Variants in TRAF3IP1 observed in about 807,000 individuals in gnomAD.
TRAF3IP1 encodes the protein intraflagellar transport 54, also known as TRAF3-interacting protein 1.
Under a neutral mutation model 89.9 loss-of-function variants are expected in TRAF3IP1, and 53 were observed. The ratio of observed to expected loss-of-function variants is 0.59; its 90% CI spans 0.47 to 0.74. The LOEUF (loss-of-function observed/expected upper bound fraction) is 0.74. TRAF3IP1 is among the 30% of genes least tolerant of loss of function. The pLI, the probability that TRAF3IP1 is intolerant of heterozygous loss-of-function variation, is 0.00. For synonymous variants in TRAF3IP1, 311 were observed against 322.1 expected (o/e 0.97, Z 0.37); for missense variants, 806 against 866.1 (o/e 0.93, Z 0.87).
intron 15 of TRAF3IP1, among the ~76,000 whole-genome samples, chr2:238,376,807 C>A (rs948031932): frequency 6.6e-6 from 1 of 152,164 alleles, no homozygotes; most frequent in African/African-American, 2.4e-5. Context: ...TTGCTTTAAA[C>A]GTGTCTGTTG....
In TRAF3IP1 at chr2:238,379,870, C is replaced by T. The variant is rs1700473478; in HGVS notation, c.1690-17589C>T. Among the ~76,000 whole-genome samples the T allele has an allele frequency of 6.6e-6, 1 of 152,078 alleles. No homozygotes were observed. The highest frequency in any genetic ancestry group is 1.5e-5 in the Non-Finnish European group (1 of 68,008). ...TATTTTAGTAAGACATTTAAAATAG[C>T]AAATCCAATTAGTTAGTACAGAGGT... On this transcript the variant is annotated intron_variant, in intron 15 of 16. Transcript: ENST00000373327. The surrounding 1 kb of genome is among the most constrained non-coding windows in gnomAD (Gnocchi z 4.0).
chr2:238,344,491 T>A lies in TRAF3IP1; in HGVS notation c.1160-6T>A. ...TAATGACTAATTTTAAACTGTTTTA[T>A]GTCAGGAACAAAAGAAGCTAATATT... On this transcript the variant is annotated splice_region_variant and splice_polypyrimidine_tract_variant and intron_variant, in intron 8 of 16. Coordinates refer to ENST00000373327, the MANE Select transcript of TRAF3IP1 (RefSeq NM_015650.4). 1 of 1,612,574 alleles carries A rather than the reference T, an allele frequency of 6.2e-7. No individual in the cohort carries two copies. Among genetic ancestry groups the A allele is most frequent in the Non-Finnish European group, 8.5e-7 (1 of 1,178,528 alleles).
At chr2:238,391,520 G>C (rs1700995043) in intron 15 of TRAF3IP1, among the ~76,000 whole-genome samples, 3 of 152,196 alleles carry the variant, frequency 2.0e-5, no homozygotes, top group Admixed American at 2.0e-4. Context: ...TTGCCAGAGT[G>C]TTGGTGTTTT....
At chr2:238,336,406 C>T (rs1239595097) in intron 7 of TRAF3IP1, among the ~76,000 whole-genome samples, 7 of 152,256 alleles carry the variant, frequency 4.6e-5, no homozygotes, top group South Asian at 2.1e-4. Context: ...CATTCTGCCT[C>T]GCTTAAGTAG....
Position 238,320,660 on chromosome 2 carries a change from G to C in TRAF3IP1, c.-3G>C. On this transcript the variant is annotated 5_prime_UTR_variant, in exon 1 of 17. Coordinates refer to ENST00000373327, the MANE Select transcript of TRAF3IP1 (RefSeq NM_015650.4). The stretch of plus-strand genomic sequence containing the variant: ...GGGCGGCCAGCGGGCGGCGGACGCC[G>C]TCATGAACGCGGCGGTGGTGAGGCG... The C allele has an allele frequency of 7.3e-7, 1 of 1,362,796 alleles. No homozygotes were observed. Among genetic ancestry groups the C allele is most frequent in the Non-Finnish European group, 9.6e-7 (1 of 1,039,986 alleles). The allele number at this position is 1,362,796 out of a possible 1,614,324, so 84.4% of individuals were successfully genotyped here.
intron 8 of TRAF3IP1, 99 bp downstream of exon 8, chr2:238,338,556 A>G: frequency 1.5e-6 from 1 of 657,768 alleles, no homozygotes; most frequent in Non-Finnish European, 2.5e-6. Context: ...TATTCTAACT[A>G]CTTTAATGTT....
In TRAF3IP1 at chr2:238,399,956, A is replaced by G. The variant is rs1701396772; in HGVS notation, c.*1037A>G. 1 of 152,250 alleles carries G rather than the reference A, an allele frequency of 6.6e-6. No homozygotes were observed. 9.4% of individuals were successfully genotyped at this position (152,250 alleles called of 1,614,324 possible). A position where few individuals can be genotyped will look rare whatever the true frequency, so the allele number is the denominator to read the frequency against. On this transcript the variant is annotated 3_prime_UTR_variant, in exon 17 of 17. Transcript: ENST00000373327. Reference sequence around the variant, plus strand: ...ACTTAGCAGAGTCTTAAGTTACTGTATAAAACATTTCATTGTGTTTGAAGA... The same window carrying G: ...ACTTAGCAGAGTCTTAAGTTACTGTGTAAAACATTTCATTGTGTTTGAAGA...
intron 15 of TRAF3IP1, among the ~76,000 whole-genome samples, chr2:238,367,494 C>T (rs1019560331): frequency 6.6e-6 from 1 of 152,178 alleles, no homozygotes; most frequent in Non-Finnish European, 1.5e-5. Flanking sequence ...CCTAGCTGAG[C>T]GAGTGGGCTT....
rs1047572811 is a variant in TRAF3IP1, at chr2:238,364,223, CTT to C, written c.1689+8145_1689+8146del. ...TAATTTGGGCCTCTCTCCAGCCTGT[CTT>C]TGAAGTTGCATTGGAAGTAAAGCCA... On this transcript the variant is annotated intron_variant, in intron 15 of 16. Transcript: ENST00000373327. Among the ~76,000 whole-genome samples, 24 of 152,216 alleles carry C rather than the reference CTT, an allele frequency of 1.6e-4. No individual in the cohort carries two copies. In the South Asian group the frequency reaches 1.9e-3, roughly 12 times the overall value.
intron 9 of TRAF3IP1, among the ~76,000 whole-genome samples, chr2:238,346,872 C>G (rs903309127): frequency 6.6e-6 from 1 of 152,218 alleles, no homozygotes; most frequent in Non-Finnish European, 1.5e-5. Context: ...TGCCACTGCT[C>G]ATTTACTTTG....
chr2:238,352,099 G>C (rs1023274227), intron 12 of TRAF3IP1, among the ~76,000 whole-genome samples: 2 of 152,096 alleles, frequency 1.3e-5, no homozygotes, highest in Non-Finnish European at 2.9e-5. Flanking sequence ...AGTGGCCTGA[G>C]TGAGGAGGAG....
intron 6 of TRAF3IP1, 106 bp downstream of exon 6, chr2:238,333,001 G>A (rs577071582): frequency 6.2e-6 from 5 of 805,736 alleles, no homozygotes; most frequent in Non-Finnish European, 1.1e-5. Flanking sequence ...GGAGCACATG[G>A]TCTGGGCCTA....
chr2:238,320,561 GGGCGGCGGCGGCGGCGGGGCC>G lies in TRAF3IP1; in HGVS notation c.-92_-72del, dbSNP rs1347017715. The G allele has an allele frequency of 3.9e-6, 4 of 1,033,740 alleles. No individual in the cohort carries two copies. The African/African-American group carries it at 5.2e-5, about 13-fold the overall frequency. The allele number at this position is 1,033,740 out of a possible 1,614,324, so 64.0% of individuals were successfully genotyped here. ...CGGAGCGGCGCGTCCTGGCAGGACCGGGCGGCGGCGGCGGCGGGGCCGGCGGCGGCCAGGGACCCGGGCTTA... is the reference window on the plus strand; with the variant it reads ...CGGAGCGGCGCGTCCTGGCAGGACCGGGCGGCGGCCAGGGACCCGGGCTTA... On this transcript the variant is annotated 5_prime_UTR_variant, in exon 1 of 17. Coordinates refer to ENST00000373327, the MANE Select transcript of TRAF3IP1 (RefSeq NM_015650.4).
At chr2:238,332,982 G>A (rs1365136178) in intron 6 of TRAF3IP1, 87 bp downstream of exon 6, 26 of 958,020 alleles carry the variant, frequency 2.7e-5, no homozygotes, top group Non-Finnish European at 4.3e-5. Context: ...GGTCCACTGA[G>A]GCATGGAAGG....
rs544984215 is a variant in TRAF3IP1 at position 238,351,779 on chromosome 2, A to G, written c.1452-1048A>G. 2.2e-4 allele frequency among the ~76,000 whole-genome samples: 33 copies of G among 151,936 alleles called. No homozygotes were observed. The highest frequency in any genetic ancestry group is 3.4e-3 in the Middle Eastern group (1 of 294). On this transcript the variant is annotated intron_variant, in intron 12 of 16. Transcript: ENST00000373327. The surrounding 1 kb of genome is among the most constrained non-coding windows in gnomAD (Gnocchi z 5.2). ...GTGTTATTTTCAGAGGTCGTTCCCA[A>G]GTGTCTACATTCCCTCTGGACCTTG...
intron 5 of TRAF3IP1, among the ~76,000 whole-genome samples, chr2:238,330,903 C>T (rs747643935): frequency 6.6e-6 from 1 of 152,156 alleles, no homozygotes; most frequent in Non-Finnish European, 1.5e-5. Flanking sequence ...ACCTGGCTTT[C>T]CTTATGAGTC....
At chr2:238,369,228 A>G (rs1210856057) in intron 15 of TRAF3IP1, among the ~76,000 whole-genome samples, 1 of 148,286 alleles carries the variant, frequency 6.7e-6, no homozygotes, top group Non-Finnish European at 1.5e-5. Context: ...AAGTAAATAT[A>G]TATTTTTAAC....
At chr2:238,355,128 G>T (rs532940432) in intron 14 of TRAF3IP1, among the ~76,000 whole-genome samples, 1 of 152,264 alleles carries the variant, frequency 6.6e-6, no homozygotes, top group Admixed American at 6.5e-5. Context: ...CATTAGTGTT[G>T]TTTACCTTTT....
chr2:238,347,200 A>G (rs1698934118), intron 9 of TRAF3IP1: 3 of 457,438 alleles, frequency 6.6e-6, no homozygotes, highest in South Asian at 3.0e-5. Context: ...TGCTTTCTCC[A>G]CATCCCTGTG....
Sources: gnomAD v4.1 joint callset for allele counts (sites outside exome capture counted in the v4.1 genomes callset) on GRCh38, gnomAD v4.1.1 for gene constraint, Gnocchi (gnomAD v3.1) non-coding constraint, MANE v1.5 for transcripts, NCBI Gene and HGNC (gene_info 2026-07-23, HGNC 2026-07-21) for gene names.